The following PHLDB1 variants were observed in gnomAD, a reference collection of about 807,000 sequenced individuals.
PHLDB1 encodes the protein pleckstrin homology-like domain family B member 1.
In PHLDB1, 65 loss-of-function variants were observed where a neutral mutation model predicts 139.3. The observed-to-expected ratio is 0.47, with a 90% CI of 0.38 to 0.57. The LOEUF (loss-of-function observed/expected upper bound fraction) is 0.57. Ranked by LOEUF, PHLDB1 falls within the 20% of genes least tolerant of loss-of-function variation. The pLI, the probability that PHLDB1 is intolerant of heterozygous loss-of-function variation, is 0.00. For synonymous variants in PHLDB1, 679 were observed against 734.5 expected (o/e 0.92, Z 1.22); for missense variants, 1,624 against 1,839.7 (o/e 0.88, Z 2.14).
At chr11:118,653,129 G>C (rs1948569945) in intron 20 of PHLDB1, 1 of 152,714 alleles carries the variant, frequency 6.5e-6, no homozygotes, top group African/African-American at 2.4e-5. Context: ...GCGGAGGCAG[G>C]AGTGTGTTAC....
At chr11:118,607,494 C>G (rs1416912333), upstream of PHLDB1, 1 of 133,326 alleles carries the variant, frequency 7.5e-6, no homozygotes, top group Non-Finnish European at 1.5e-5. Context: ...TCCAGCCCCA[C>G]AAGGGCGTCT....
chr11:118,639,519 T>C, intron 12 of PHLDB1: 2 of 445,744 alleles, frequency 4.5e-6, no homozygotes, highest in Non-Finnish European at 8.3e-6. Context: ...CTCAGGGGCC[T>C]GGGTTGGGTG....
Position 118,644,173 on chromosome 11 carries a change from G to A in PHLDB1, c.3120G>A (p.Lys1040=). The A allele has an allele frequency of 6.2e-7, 1 of 1,608,082 alleles. No individual in the cohort carries two copies. The highest frequency in any genetic ancestry group is 8.5e-7 in the Non-Finnish European group (1 of 1,177,548). The stretch of plus-strand genomic sequence containing the variant: ...AGCGCCAACTAGCTCTGCAGCAGAA[G>A]GGTGAGTGACTGCCCCGCCAGCCCA... The part of the protein sequence containing the change: ...ETKRQLALQQ[K]GQQVIEEQRR... Residue 1040 remains lysine, a splice_region_variant and synonymous_variant, in exon 15 of 23, where the codon AAG becomes AAA. Transcript: ENST00000600882.
chr11:118,614,886 T>C, intron 3 of PHLDB1: 1 of 545,822 alleles, frequency 1.8e-6, no homozygotes, highest in Non-Finnish European at 3.3e-6. Context: ...CGACTGGGCT[T>C]AAAGATCAGC....
In PHLDB1 at chr11:118,610,980, A is replaced by G. The variant is rs1326591437; in HGVS notation, c.-21-2836A>G. Among the ~76,000 whole-genome samples, 1 of 151,466 alleles carries G rather than the reference A, an allele frequency of 6.6e-6. No homozygotes were observed. The highest frequency in any genetic ancestry group is 1.5e-5 in the Non-Finnish European group (1 of 67,834). On this transcript the variant is annotated intron_variant, in intron 1 of 22. Transcript: ENST00000600882. The surrounding 1 kb of genome is among the most constrained non-coding windows in gnomAD (Gnocchi z 8.7). ...CGTGCGGGAGGGCACCCAGGGCCGG[A>G]CGCGCACCGCAGGGGTCTTTTTTTG...
chr11:118,654,918 A>G (rs1397102282), intron 20 of PHLDB1: 1 of 152,032 alleles, frequency 6.6e-6, no homozygotes, highest in Non-Finnish European at 1.5e-5. Context: ...GGGTTTCACC[A>G]TGTTGGCCAG....
chr11:118,627,572 A>G lies in PHLDB1; in HGVS notation c.749A>G (p.Asn250Ser). The G allele has an allele frequency of 6.2e-7, 1 of 1,613,952 alleles. No homozygotes were observed. The highest frequency in any genetic ancestry group is 8.5e-7 in the Non-Finnish European group (1 of 1,179,992). ...GAMSVGSSYE[N>S]TSPAFSPLSS... ...ATGTCTGTGGGCTCCAGCTATGAGAACACCTCTCCAGCCTTCTCTCCACTC... is the reference window on the plus strand; with the variant it reads ...ATGTCTGTGGGCTCCAGCTATGAGAGCACCTCTCCAGCCTTCTCTCCACTC... The change falls in exon 6 of 23, where the codon AAC becomes AGC. Residue 250 changes from asparagine to serine, a missense_variant. Physicochemically the swap from Asn to Ser is conservative, Grantham distance 46 (BLOSUM62 1). Coordinates refer to ENST00000600882, the MANE Select transcript of PHLDB1 (RefSeq NM_001144758.3).
rs1287702679 is a variant in PHLDB1 at position 118,650,875 on chromosome 11, A to C, written c.3874+328A>C. 1 of 349,752 alleles carries C rather than the reference A, an allele frequency of 2.9e-6. No individual in the cohort carries two copies. Among genetic ancestry groups the C allele is most frequent in the Admixed American group, 4.3e-5 (1 of 23,352 alleles). 21.7% of individuals were successfully genotyped at this position (349,752 alleles called of 1,614,324 possible). ...GCAGACAAGAGTGATAACCACGCACAATGGGTATGCTGATAGGAGACATCC... is the reference window on the plus strand; with the variant it reads ...GCAGACAAGAGTGATAACCACGCACCATGGGTATGCTGATAGGAGACATCC... On this transcript the variant is annotated intron_variant, in intron 20 of 22. Transcript: ENST00000600882. The surrounding 1 kb of genome is among the most constrained non-coding windows in gnomAD (Gnocchi z 4.7).
rs139774048 is a variant in PHLDB1 at position 118,642,331 on chromosome 11, C to G, written c.2814C>G (p.Pro938=). 1.2e-6 allele frequency: 2 copies of G among 1,612,214 alleles called. No individual in the cohort carries two copies. Among genetic ancestry groups the G allele is most frequent in the Admixed American group, 1.7e-5 (1 of 60,022 alleles). The change falls in exon 13 of 23, where the codon CCC becomes CCG. Residue 938 remains proline (P), a synonymous_variant. Transcript: ENST00000600882. ...QELMAGLGTG[P]AAASPHSSPP... is the part of the protein sequence containing the mutation. Reference sequence around the variant, plus strand: ...TGATGGCCGGGCTGGGGACTGGCCCCGCTGCAGCCTCCCCTCACTCTTCTC... The same window carrying G: ...TGATGGCCGGGCTGGGGACTGGCCCGGCTGCAGCCTCCCCTCACTCTTCTC...
rs868955373 is a variant in PHLDB1, at chr11:118,650,119, T to C, written c.3697T>C (p.Phe1233Leu). 6.2e-7 allele frequency: 1 copy of C among 1,614,188 alleles called. No individual in the cohort carries two copies. ...CTACCTGCCAATCCGGAAGGAGGAC[T>C]TTGACCTGAAGACACATATTGAGTC... Reference protein sequence around the residue: ...TRYLPIRKEDFDLKTHIESSG... With the variant: ...TRYLPIRKEDLDLKTHIESSG... The change falls in exon 19 of 23, where the codon TTT becomes CTT. Residue 1233 changes from phenylalanine (F) to leucine (L), a missense_variant. Phe to Leu is a conservative substitution (Grantham distance 22, BLOSUM62 0). Transcript: ENST00000600882. This position sits in a 1 kb window ranked among gnomAD's most constrained non-coding sequence, Gnocchi z 4.7.
At position 118,650,848 on chromosome 11, in the gene PHLDB1, A is replaced by AT; in HGVS notation, c.3874+301_3874+302insT. ...GCTCTCATGGAGCTTATAATCAGGG[A>AT]AGCAGACAAGAGTGATAACCACGCA... On this transcript the variant is annotated intron_variant, in intron 20 of 22. Coordinates refer to ENST00000600882, the MANE Select transcript of PHLDB1 (RefSeq NM_001144758.3). The surrounding 1 kb of genome is among the most constrained non-coding windows in gnomAD (Gnocchi z 4.7). 1.2e-5 allele frequency: 5 copies of AT among 401,806 alleles called. No homozygotes were observed. Among genetic ancestry groups the AT allele is most frequent in the South Asian group, 5.5e-5 (2 of 36,142 alleles). 24.9% of individuals were successfully genotyped at this position (401,806 alleles called of 1,614,324 possible). A position where few individuals can be genotyped will look rare whatever the true frequency, so the allele number is the denominator to read the frequency against.
At position 118,628,176 on chromosome 11, in the gene PHLDB1, G is replaced by A. The variant is rs782279608; in HGVS notation, c.1353G>A (p.Leu451=). 6.2e-6 allele frequency: 10 copies of A among 1,613,948 alleles called. No homozygotes were observed. The South Asian group carries it at 1.1e-4, about 18-fold the overall frequency. Residue 451 remains leucine, a synonymous_variant, in exon 6 of 23, where the codon CTG becomes CTA. Transcript: ENST00000600882. ...GTCCCCGCCTGGGCCGGCGGGGCCT[G>A]GACAGTATGCGAGAACTACCCCCCT... ...PESPRLGRRG[L]DSMRELPPLS...
chr11:118,626,709 G>A (rs922458577), intron 5 of PHLDB1, among the ~76,000 whole-genome samples: 2 of 150,670 alleles, frequency 1.3e-5, no homozygotes, highest in Non-Finnish European at 3.0e-5. Flanking sequence ...CAGTCTTGCT[G>A]TGTCACCCAG....
Position 118,631,356 on chromosome 11 carries a change from G to C in PHLDB1, c.1977G>C (p.Gly659=). The stretch of plus-strand genomic sequence containing the variant: ...GGAGGCCCTCACGAGGCCTTGCAGG[G>C]GCCTCTGGGCGGAGCAGCGAGGAGC... ...AGRRPSRGLA[G]ASGRSSEEPG... Residue 659 remains glycine, a synonymous_variant, in exon 7 of 23, where the codon GGG becomes GGC. Coordinates refer to ENST00000600882, the MANE Select transcript of PHLDB1 (RefSeq NM_001144758.3). 1.3e-6 allele frequency: 2 copies of C among 1,532,924 alleles called. No homozygotes were observed. Among genetic ancestry groups the C allele is most frequent in the South Asian group, 2.5e-5 (2 of 80,136 alleles). The allele number at this position is 1,532,924 out of a possible 1,614,324, so 95.0% of individuals were successfully genotyped here.
At position 118,645,492 on chromosome 11, in the gene PHLDB1, C is replaced by T. The variant is rs201892942; in HGVS notation, c.3258C>T (p.Leu1086=). 1.5e-5 allele frequency: 24 copies of T among 1,612,376 alleles called. No homozygotes were observed. The highest frequency in any genetic ancestry group is 2.0e-5 in the Non-Finnish European group (24 of 1,179,202). ...FPAGPSGFPP[L]MHHSILHHLP... is the part of the protein sequence containing the mutation. ...CGGGCCCCTCGGGCTTCCCCCCTCT[C>T]ATGCACCACTCTATCCTACACCACC... Residue 1086 remains leucine (L), a synonymous_variant, in exon 16 of 23, where the codon CTC becomes CTT. Coordinates refer to ENST00000600882, the MANE Select transcript of PHLDB1 (RefSeq NM_001144758.3). This position sits in a 1 kb window ranked among gnomAD's most constrained non-coding sequence, Gnocchi z 5.1.
At position 118,656,007 on chromosome 11, in the gene PHLDB1, C is replaced by T. The variant is rs1591812991; in HGVS notation, c.3993+115C>T. 9 of 796,264 alleles carry T rather than the reference C, an allele frequency of 1.1e-5. No homozygotes were observed. In the East Asian group the frequency reaches 2.0e-4, roughly 17 times the overall value. 49.3% of individuals were successfully genotyped at this position (796,264 alleles called of 1,614,324 possible). On this transcript the variant is annotated intron_variant, in intron 22 of 22. Transcript: ENST00000600882. ...CCTTCCCCCAGGCCCAAGGGAGGAG[C>T]AGAAAGCAGGTTGCAAAGAGCAAGA...
intron 4 of PHLDB1, among the ~76,000 whole-genome samples, chr11:118,617,986 G>T (rs1046936124): frequency 2.0e-5 from 3 of 151,856 alleles, no homozygotes; most frequent in Non-Finnish European, 4.4e-5. Flanking sequence ...TAAGAACATT[G>T]TTCCCCTGCA....
At chr11:118,628,903 T>C (rs1351841583) in intron 6 of PHLDB1, among the ~76,000 whole-genome samples, 1 of 152,288 alleles carries the variant, frequency 6.6e-6, no homozygotes, top group African/African-American at 2.4e-5. Context: ...GCATTTGTTT[T>C]AATGTTAAAT....
intron 2 of PHLDB1, 28 bp from the exon 3 acceptor site, chr11:118,614,531 G>T: frequency 6.2e-7 from 1 of 1,612,560 alleles, no homozygotes; most frequent in Non-Finnish European, 8.5e-7. Flanking sequence ...ATCTAATGAT[G>T]CTTGTCCTCC....
Sources: allele counts gnomAD v4.1 joint callset (sites outside exome capture counted in the v4.1 genomes callset), GRCh38; gene constraint gnomAD v4.1.1; non-coding constraint Gnocchi (gnomAD v3.1); transcripts MANE v1.5; gene names NCBI Gene and HGNC (gene_info 2026-07-23, HGNC 2026-07-21).